Variants in FRMPD4 observed in about 807,000 individuals in gnomAD.
FRMPD4 encodes FERM and PDZ domain-containing protein 4.
In FRMPD4, 22 loss-of-function variants were observed where a neutral mutation model predicts 94.1. The observed-to-expected ratio is 0.23, with a 90% CI of 0.17 to 0.33. The LOEUF (loss-of-function observed/expected upper bound fraction) is 0.33. FRMPD4 is among the 10% of genes least tolerant of loss of function. The pLI, the probability that FRMPD4 is intolerant of heterozygous loss-of-function variation, is 1.00. For missense variants in FRMPD4, 1,111 were observed against 1,339.9 expected (o/e 0.83, Z 2.67); for synonymous variants, 631 against 548.6 (o/e 1.15, Z -2.10).
At chrX:11,967,320 C>T (rs1214080614) in intron 3 of FRMPD4, among the ~76,000 whole-genome samples, 2 of 111,700 alleles carry the variant, frequency 1.8e-5, no homozygotes, top group Non-Finnish European at 3.8e-5. Flanking sequence ...CTCCCCTAGC[C>T]ATTACTACTG....
At chrX:12,530,828 A>T (rs761076835) in intron 2 of FRMPD4, among the ~76,000 whole-genome samples, 7 of 101,699 alleles carry the variant, frequency 6.9e-5, no homozygotes, top group African/African-American at 2.8e-4. Flanking sequence ...GATTGACAGG[A>T]GGATGGATGG....
At chrX:12,247,281 G>A (rs2147803702) in intron 1 of FRMPD4, among the ~76,000 whole-genome samples, 1 of 111,318 alleles carries the variant, frequency 9.0e-6, no homozygotes, top group African/African-American at 3.3e-5. Flanking sequence ...CTGGAAGAGA[G>A]GAGCAAAATC....
At position 12,473,819 on chromosome X, in the gene FRMPD4, T is replaced by C. The variant is rs374830835; in HGVS notation, c.42-24861T>C. ...GGAGCACCCAGATTCATAAAGCAAG[T>C]CCTTAGAGACCTACAAAGAGACTTA... On this transcript the variant is annotated intron_variant, in intron 1 of 16. Coordinates refer to ENST00000675598, the MANE Select transcript of FRMPD4 (RefSeq NM_001368397.1). Among the ~76,000 whole-genome samples the C allele has an allele frequency of 4.6e-5, 5 of 109,818 alleles. 1 individual carries two copies. Among genetic ancestry groups the C allele is most frequent in the African/African-American group, 1.7e-4 (5 of 28,957 alleles).
At chrX:12,200,420 C>A (rs66948843) in intron 1 of FRMPD4, among the ~76,000 whole-genome samples, 24,563 of 110,567 alleles carry the variant, frequency 0.22, 2,405 homozygotes, top group East Asian at 0.62. Flanking sequence ...CAATTGGAAT[C>A]CTTTACAGTC....
chrX:11,875,036 G>A (rs2053775501), intron 2 of FRMPD4, among the ~76,000 whole-genome samples: 2 of 112,320 alleles, frequency 1.8e-5, no homozygotes, highest in Non-Finnish European at 3.8e-5. Context: ...TGTGGATTAA[G>A]GAGTTCATCT....
intron 4 of FRMPD4, among the ~76,000 whole-genome samples, chrX:12,639,911 C>A (rs1328525127): frequency 9.0e-6 from 1 of 111,467 alleles, no homozygotes; most frequent in Non-Finnish European, 1.9e-5. Context: ...TTGTAGTAGA[C>A]CACATGAAAA....
At chrX:12,261,751 T>C (rs2054192170) in intron 1 of FRMPD4, among the ~76,000 whole-genome samples, 1 of 112,158 alleles carries the variant, frequency 8.9e-6, no homozygotes, top group Admixed American at 9.4e-5. Flanking sequence ...TCAACAATTA[T>C]CAATATGCTG....
rs11463247 is a variant in FRMPD4, at chrX:12,152,819, A to ATT, written c.41+13816_41+13817dup. Among the ~76,000 whole-genome samples the ATT allele has an allele frequency of 8.4e-5, 9 of 107,445 alleles. No homozygotes were observed. The East Asian group carries it at 8.8e-4, about 10-fold the overall frequency. 93.3% of individuals were successfully genotyped at this position (107,445 alleles called of 115,157 possible). A position where few individuals can be genotyped will look rare whatever the true frequency, so the allele number is the denominator to read the frequency against. ...GCATAGAATTTAGTATTCTGAAGCA[A>ATT]TTTTTTTTTTCATTTTTAATATCAA... On this transcript the variant is annotated intron_variant, in intron 1 of 16. Transcript: ENST00000675598.
intron 1 of FRMPD4, among the ~76,000 whole-genome samples, chrX:12,350,651 G>A (rs10126081): frequency 1.4e-3 from 161 of 112,534 alleles, no homozygotes; most frequent in African/African-American, 5.0e-3. Context: ...ATTTCAAATT[G>A]ACTTTGTAAT....
At chrX:11,978,321 CAAAAAA>C (rs1172824155) in intron 3 of FRMPD4, among the ~76,000 whole-genome samples, 3 of 16,363 alleles carry the variant, frequency 1.8e-4, no homozygotes, top group Non-Finnish European at 3.1e-4. Context: ...AACTCCATCT[CAAAAAA>C]AAAAAAAAAA....
chrX:12,375,437 C>A (rs1410846679), intron 1 of FRMPD4, among the ~76,000 whole-genome samples: 3 of 111,944 alleles, frequency 2.7e-5, no homozygotes, highest in African/African-American at 9.8e-5. Context: ...GAATTCAGTT[C>A]CTTGCAGTTG....
chrX:11,919,201 C>G (rs1490391480), intron 3 of FRMPD4, among the ~76,000 whole-genome samples: 2 of 112,065 alleles, frequency 1.8e-5, no homozygotes, highest in East Asian at 2.8e-4. Context: ...TACTGGATAC[C>G]AGTAATACCT....
At chrX:12,026,667 C>T (rs1278741774) in intron 3 of FRMPD4, among the ~76,000 whole-genome samples, 1 of 112,250 alleles carries the variant, frequency 8.9e-6, no homozygotes, top group African/African-American at 3.2e-5. Flanking sequence ...ATTACCCTCC[C>T]CATGTATGAA....
chrX:12,272,241 CTCTATTAA>C (rs1195908138), intron 1 of FRMPD4, among the ~76,000 whole-genome samples: 14 of 111,643 alleles, frequency 1.3e-4, no homozygotes, highest in Non-Finnish European at 1.9e-5. Context: ...TGGGAATAGT[CTCTATTAA>C]TCATGGGCAT....
intron 1 of FRMPD4, among the ~76,000 whole-genome samples, chrX:12,314,694 A>T (rs1054739313): frequency 1.8e-5 from 2 of 110,740 alleles, no homozygotes; most frequent in Non-Finnish European, 3.8e-5. Flanking sequence ...CTTTTTTTTA[A>T]CTTGGTAATA....
At chrX:12,471,789 C>T (rs774482315) in intron 1 of FRMPD4, among the ~76,000 whole-genome samples, 7 of 112,145 alleles carry the variant, frequency 6.2e-5, no homozygotes, top group African/African-American at 2.3e-4. Flanking sequence ...GGTTTCACAA[C>T]CTTGGCACTC....
intron 1 of FRMPD4, among the ~76,000 whole-genome samples, chrX:12,290,037 C>G (rs961264274): frequency 9.0e-6 from 1 of 111,592 alleles, no homozygotes; most frequent in Non-Finnish European, 1.9e-5. Context: ...TATTGCATAG[C>G]CATTGTCCTG....
At chrX:12,403,191 C>G (rs190639816) in intron 1 of FRMPD4, among the ~76,000 whole-genome samples, 1 of 111,636 alleles carries the variant, frequency 9.0e-6, no homozygotes, top group African/African-American at 3.3e-5. Context: ...AGAATCTACT[C>G]TCAAATCCTC....
intron 3 of FRMPD4, among the ~76,000 whole-genome samples, chrX:11,924,671 G>T (rs917636340): frequency 8.9e-6 from 1 of 111,926 alleles, no homozygotes; most frequent in Non-Finnish European, 1.9e-5. Flanking sequence ...CTTCATAAGC[G>T]AAGGAGGAAT....
Sources: gnomAD v4.1 joint callset for allele counts (sites outside exome capture counted in the v4.1 genomes callset) on GRCh38, gnomAD v4.1.1 for gene constraint, MANE v1.5 for transcripts, NCBI Gene and HGNC (gene_info 2026-07-23, HGNC 2026-07-21) for gene names.